PIKFYVE: variants seen among roughly 807,000 people sequenced by gnomAD.
PIKFYVE encodes the protein 1-phosphatidylinositol 3-phosphate 5-kinase.
PIKFYVE carries 122 observed loss-of-function variants against 257.9 expected under a neutral mutation model. The ratio of observed to expected loss-of-function variants is 0.47; its 90% CI spans 0.41 to 0.55. The LOEUF is 0.55. Among genes scored for constraint, PIKFYVE ranks in the 20% least tolerant of loss-of-function variants. The pLI is 0.00. For missense variants in PIKFYVE, 2,160 were observed against 2,536.6 expected (o/e 0.85, Z 3.19); for synonymous variants, 892 against 868.9 (o/e 1.03, Z -0.47).
chr2:208,270,040 T>A, intron 1 of PIKFYVE: 1 of 152,588 alleles, frequency 6.6e-6, no homozygotes, highest in East Asian at 1.8e-4. Flanking sequence ...CTACAGTATT[T>A]TTTTTTTTTT....
rs1045242981 is a variant in PIKFYVE at position 208,355,394 on chromosome 2, C to T, written c.*89C>T. 7 of 1,017,726 alleles carry T rather than the reference C, an allele frequency of 6.9e-6. No homozygotes were observed. Among genetic ancestry groups the T allele is most frequent in the Middle Eastern group, 2.0e-4 (1 of 4,902 alleles). The allele number at this position is 1,017,726 out of a possible 1,614,324, so 63.0% of individuals were successfully genotyped here. A position where few individuals can be genotyped will look rare whatever the true frequency, so the allele number is the denominator to read the frequency against. On this transcript the variant is annotated 3_prime_UTR_variant, in exon 42 of 42. Coordinates refer to ENST00000264380, the MANE Select transcript of PIKFYVE (RefSeq NM_015040.4). ...TAAGCTACATGTTTTATTTCTTCAT[C>T]GTGTTCACCACTGTATGCCAAGGCT...
chr2:208,281,157 C>A, intron 5 of PIKFYVE, among the ~76,000 whole-genome samples: 1 of 152,224 alleles, frequency 6.6e-6, no homozygotes, highest in East Asian at 1.9e-4. Flanking sequence ...GCAAGTCTTA[C>A]ATGGTAAAAC....
At chr2:208,334,252 C>G (rs556569465) in intron 24 of PIKFYVE, 13 of 152,894 alleles carry the variant, frequency 8.5e-5, no homozygotes, top group Admixed American at 7.2e-4. Context: ...TTGGCCTTGT[C>G]CCTTTAGCCT....
intron 41 of PIKFYVE, 127 bp downstream of exon 41, chr2:208,354,772 TC>T: frequency 1.3e-6 from 1 of 772,306 alleles, no homozygotes; most frequent in Non-Finnish European, 2.2e-6. Flanking sequence ...CATTGTCATT[TC>T]TAAAGTGACC....
intron 37 of PIKFYVE, 62 bp from the exon 38 acceptor site, chr2:208,351,290 A>T: frequency 8.3e-7 from 1 of 1,209,748 alleles, no homozygotes; most frequent in Non-Finnish European, 1.2e-6. Context: ...CTTTGGAATG[A>T]TGTGTTATAG....
chr2:208,326,023 A>G lies in PIKFYVE; in HGVS notation c.3212A>G (p.Lys1071Arg). 1.9e-6 allele frequency: 3 copies of G among 1,614,136 alleles called. No homozygotes were observed. The highest frequency in any genetic ancestry group is 2.5e-6 in the Non-Finnish European group (3 of 1,180,012). Residue 1071 changes from lysine (K) to arginine (R), a missense_variant, in exon 20 of 42, where the codon AAG (lysine) becomes AGG (arginine). Lys to Arg is a conservative substitution (Grantham distance 26). This residue lies in a region of PIKFYVE where 522 missense variants were observed against 514.6 expected (regional missense o/e 1.01). Transcript: ENST00000264380. ...TFREPFLLTE[K>R]GMRCSTRDYF... ...CGAGAACCCTTTCTTTTAACTGAAA[A>G]GGGGATGAGATGCTCTACCCGAGAT...
At chr2:208,307,732 A>G (rs1216176979) in intron 12 of PIKFYVE, among the ~76,000 whole-genome samples, 3 of 152,198 alleles carry the variant, frequency 2.0e-5, no homozygotes, top group Non-Finnish European at 4.4e-5. Flanking sequence ...TTCCAAAACA[A>G]CCCCATTTCC....
At chr2:208,324,069 A>G in intron 17 of PIKFYVE, 73 bp from the exon 18 acceptor site, 1 of 1,538,276 alleles carries the variant, frequency 6.5e-7, no homozygotes, top group Non-Finnish European at 9.0e-7. Context: ...TTGCCTGTTC[A>G]CTCTGATGAT....
At chr2:208,302,421 G>T in intron 10 of PIKFYVE, 68 bp downstream of exon 10, 1 of 1,340,424 alleles carries the variant, frequency 7.5e-7, no homozygotes. Flanking sequence ...TTCATCAGTG[G>T]GAATAAAAAG....
intron 12 of PIKFYVE, among the ~76,000 whole-genome samples, chr2:208,311,941 G>A (rs1026049186): frequency 6.6e-6 from 1 of 152,108 alleles, no homozygotes. Context: ...TTCATAAACC[G>A]GTTGGTTTTG....
In PIKFYVE at chr2:208,328,243, C is replaced by T. The variant is rs1344294962; in HGVS notation, c.3682C>T (p.Gln1228Ter). The T allele has an allele frequency of 1.2e-6, 2 of 1,613,800 alleles. No homozygotes were observed. Among genetic ancestry groups the T allele is most frequent in the Non-Finnish European group, 1.7e-6 (2 of 1,179,888 alleles). ...LCVLFSSSSA[Q>*]SSNAPSACVS... ...TGTGCTCTTCAGCAGCTCTTCTGCC[C>T]AGTCCAGCAATGCTCCTAGTGCCTG... The change falls in exon 21 of 42, where the codon CAG (glutamine) becomes TAG (stop). Residue 1228 changes from glutamine to a stop codon, truncating the protein, a stop_gained. Transcript: ENST00000264380. LOFTEE classifies it high-confidence loss of function.
chr2:208,295,354 G>T (rs1441957899), intron 7 of PIKFYVE, among the ~76,000 whole-genome samples: 1 of 152,188 alleles, frequency 6.6e-6, no homozygotes, highest in African/African-American at 2.4e-5. Flanking sequence ...AATTGTAACA[G>T]TGGTACATTT....
chr2:208,318,020 A>G (rs1695751128), intron 16 of PIKFYVE, 79 bp downstream of exon 16: 1 of 1,365,084 alleles, frequency 7.3e-7, no homozygotes, highest in Non-Finnish European at 1.0e-6. Context: ...CACCTTAGTT[A>G]TGGAAGAAAT....
Position 208,282,950 on chromosome 2 carries a change from C to G in PIKFYVE, c.614-2776C>G, listed in dbSNP as rs115056630. ...CATGCGCAGTTCACCATAGGGTTCA[C>G]GCTTCTATAAGAATCTAATGCCACC... On this transcript the variant is annotated intron_variant, in intron 5 of 41. Coordinates refer to ENST00000264380, the MANE Select transcript of PIKFYVE (RefSeq NM_015040.4). Among the ~76,000 whole-genome samples, 1,299 of 152,222 alleles carry G rather than the reference C, an allele frequency of 8.5e-3. 24 individuals carry two copies. The highest frequency in any genetic ancestry group is 0.029 in the African/African-American group (1,219 of 41,518).
Position 208,304,914 on chromosome 2 carries a change from G to C in PIKFYVE, c.1537G>C (p.Ala513Pro), listed in dbSNP as rs766980836. ...FQSTVDSDSAASISLNVELDN... is the reference protein window; with the variant it reads ...FQSTVDSDSAPSISLNVELDN... ...GTCCACAGTGGACAGTGACTCAGCC[G>C]CTTCTATCAGCCTGAACGTGGAGCT... Residue 513 changes from alanine (A) to proline (P), a missense_variant, in exon 12 of 42, where the codon GCT (alanine) becomes CCT (proline). Transcript: ENST00000264380. 1.2e-6 allele frequency: 2 copies of C among 1,613,968 alleles called. No individual in the cohort carries two copies. Among genetic ancestry groups the C allele is most frequent in the Non-Finnish European group, 1.7e-6 (2 of 1,180,016 alleles).
intron 10 of PIKFYVE, chr2:208,302,580 A>G (rs1693828091): frequency 2.0e-6 from 1 of 504,702 alleles, no homozygotes; most frequent in African/African-American, 1.9e-5. Context: ...CAGACAATAA[A>G]AAAGGAAAAA....
intron 31 of PIKFYVE, among the ~76,000 whole-genome samples, chr2:208,341,227 C>T (rs539834427): frequency 1.1e-4 from 17 of 152,148 alleles, no homozygotes; most frequent in South Asian, 1.0e-3. Flanking sequence ...AGGCTGCTCT[C>T]GAACTCCTGA....
intron 27 of PIKFYVE, 143 bp from the exon 28 acceptor site, chr2:208,336,695 T>C: frequency 1.8e-6 from 1 of 552,238 alleles, no homozygotes; most frequent in Non-Finnish European, 3.2e-6. Flanking sequence ...AACTTACTCT[T>C]ATTTATATAT....
chr2:208,312,206 C>G, intron 12 of PIKFYVE, 30 bp from the exon 13 acceptor site: 1 of 1,539,710 alleles, frequency 6.5e-7, no homozygotes, highest in Non-Finnish European at 9.0e-7. Flanking sequence ...TACTTTTGTT[C>G]CTCCTCTCTG....
Sources: gnomAD v4.1 joint callset for allele counts (sites outside exome capture counted in the v4.1 genomes callset) on GRCh38, gnomAD v4.1.1 for gene constraint, gnomAD v4.1.1 regional missense constraint, MANE v1.5 for transcripts, NCBI Gene and HGNC (gene_info 2026-07-23, HGNC 2026-07-21) for gene names.